Variants in OSBPL1A observed in about 807,000 individuals in gnomAD.
The protein encoded by OSBPL1A is oxysterol-binding protein-related protein 1.
Under a neutral mutation model 137.1 loss-of-function variants are expected in OSBPL1A, and 80 were observed. The ratio of observed to expected loss-of-function variants is 0.58; its 90% confidence interval spans 0.49 to 0.70. The LOEUF is 0.70. Ranked by LOEUF, OSBPL1A falls within the 30% of genes least tolerant of loss-of-function variation. The pLI is 0.00. For missense variants in OSBPL1A, 970 were observed against 1,129.4 expected (o/e 0.86, Z 2.02); for synonymous variants, 365 against 389.7 (o/e 0.94, Z 0.75).
At position 24,221,158 on chromosome 18, in the gene OSBPL1A, C is replaced by G. The variant is rs2087877126; in HGVS notation, c.1601+3884G>C. Among the ~76,000 whole-genome samples the G allele has an allele frequency of 3.9e-5, 6 of 152,062 alleles. No individual in the cohort carries two copies. In the South Asian group the frequency reaches 1.2e-3, roughly 32 times the overall value. On this transcript the variant is annotated intron_variant, in intron 17 of 27. Coordinates refer to ENST00000319481, the MANE Select transcript of OSBPL1A (RefSeq NM_080597.4). ...TTCATGTTAAATAATTTTTATTTACCACTAACAACATTTTCTCAATATAAT... is the reference window on the plus strand; with the variant it reads ...TTCATGTTAAATAATTTTTATTTACGACTAACAACATTTTCTCAATATAAT...
At chr18:24,330,967 G>C (rs1177166657) in intron 7 of OSBPL1A, among the ~76,000 whole-genome samples, 1 of 151,788 alleles carries the variant, frequency 6.6e-6, no homozygotes, top group Non-Finnish European at 1.5e-5. Flanking sequence ...GCTAATTTTT[G>C]TATTTTTAGT....
At position 24,188,224 on chromosome 18, in the gene OSBPL1A, T is replaced by C. The variant is rs181953603; in HGVS notation, c.1678-6945A>G. ...TTTCTCAGGAATACTGGCCTAGGGA[T>C]GCAATCTTGCAACTCTAAAGCAATG... is the stretch of plus-strand genomic sequence containing the variant. On this transcript the variant is annotated intron_variant, in intron 18 of 27. Coordinates refer to ENST00000319481, the MANE Select transcript of OSBPL1A (RefSeq NM_080597.4). Among the ~76,000 whole-genome samples the C allele has an allele frequency of 3.9e-5, 6 of 152,332 alleles. No homozygotes were observed. In the East Asian group the frequency reaches 1.2e-3, roughly 29 times the overall value.
intron 1 of OSBPL1A, among the ~76,000 whole-genome samples, chr18:24,377,792 A>G: frequency 6.6e-6 from 1 of 152,224 alleles, no homozygotes; most frequent in East Asian, 1.9e-4. Flanking sequence ...TCTGCAGAAT[A>G]CAACCAACCG....
chr18:24,344,151 T>C (rs2091310033), intron 4 of OSBPL1A, among the ~76,000 whole-genome samples: 1 of 152,146 alleles, frequency 6.6e-6, no homozygotes, highest in Non-Finnish European at 1.5e-5. Context: ...AATAGACATT[T>C]CTCCAAAGAA....
chr18:24,359,975 G>GT (rs1361292042), intron 4 of OSBPL1A, among the ~76,000 whole-genome samples: 1 of 152,114 alleles, frequency 6.6e-6, no homozygotes, highest in Non-Finnish European at 1.5e-5. Flanking sequence ...TGTTTGTTCT[G>GT]TTTTTGTTTG....
rs184821714 is a variant in OSBPL1A, at chr18:24,372,481, C to T, written c.122-4109G>A. Reference sequence around the variant, plus strand: ...ACCTGTCGTCCTCCGTACACACACTCGCAGGAACCACCAGGCCCCTCCCAC... The same window carrying T: ...ACCTGTCGTCCTCCGTACACACACTTGCAGGAACCACCAGGCCCCTCCCAC... On this transcript the variant is annotated intron_variant, in intron 2 of 27. Coordinates refer to ENST00000319481, the MANE Select transcript of OSBPL1A (RefSeq NM_080597.4). Among the ~76,000 whole-genome samples, 137 of 152,272 alleles carry T rather than the reference C, an allele frequency of 9.0e-4. 1 individual carries two copies. Among genetic ancestry groups the T allele is most frequent in the Non-Finnish European group, 1.6e-3 (106 of 68,016 alleles).
intron 4 of OSBPL1A, among the ~76,000 whole-genome samples, chr18:24,359,208 A>T (rs9956929): frequency 0.22 from 33,209 of 151,292 alleles, 4,260 homozygotes; most frequent in East Asian, 0.57. Context: ...ACAGAGCGAG[A>T]CCCTGTCTAT....
chr18:24,191,485 T>A (rs1210441733), intron 18 of OSBPL1A, among the ~76,000 whole-genome samples: 1 of 152,202 alleles, frequency 6.6e-6, no homozygotes, highest in Admixed American at 6.5e-5. Context: ...CAGCAAGTGA[T>A]ATTCATCTCA....
chr18:24,386,306 A>G (rs2144270292), intron 1 of OSBPL1A, among the ~76,000 whole-genome samples: 1 of 152,338 alleles, frequency 6.6e-6, no homozygotes, highest in Middle Eastern at 3.4e-3. Flanking sequence ...GCCCACAGAT[A>G]TCAGTTTTAA....
chr18:24,277,993 A>G (rs2089882390), intron 15 of OSBPL1A, among the ~76,000 whole-genome samples: 1 of 152,240 alleles, frequency 6.6e-6, no homozygotes, highest in South Asian at 2.1e-4. Context: ...TACTCTATAT[A>G]TGTAACATTC....
chr18:24,270,382 T>TC (rs1265532673), intron 15 of OSBPL1A, among the ~76,000 whole-genome samples: 6 of 152,240 alleles, frequency 3.9e-5, no homozygotes, highest in South Asian at 2.1e-4. Context: ...CTCTTTTACT[T>TC]CCCCCCCATT....
chr18:24,281,234 C>T (rs1232327949), intron 14 of OSBPL1A, among the ~76,000 whole-genome samples: 15 of 151,988 alleles, frequency 9.9e-5, no homozygotes, highest in African/African-American at 3.6e-4. Flanking sequence ...TACAGGCGCA[C>T]ACCACCACGC....
intron 15 of OSBPL1A, among the ~76,000 whole-genome samples, chr18:24,247,720 C>T (rs1482902324): frequency 1.3e-5 from 2 of 151,722 alleles, no homozygotes; most frequent in East Asian, 1.9e-4. Flanking sequence ...ATCCACCCAC[C>T]TTGGCCTCCC....
rs200454537 is a variant in OSBPL1A, at chr18:24,314,396, G to A, written c.871-49C>T. ...GACAACATTCATTCACATAAAAGAGGACCCTAAAATTATCTATACATAAAA... is the reference window on the plus strand; with the variant it reads ...GACAACATTCATTCACATAAAAGAGAACCCTAAAATTATCTATACATAAAA... On this transcript the variant is annotated intron_variant, in intron 11 of 27. Coordinates refer to ENST00000319481, the MANE Select transcript of OSBPL1A (RefSeq NM_080597.4). 24 of 1,292,112 alleles carry A rather than the reference G, an allele frequency of 1.9e-5. No homozygotes were observed. In the East Asian group the frequency reaches 5.1e-4, roughly 28 times the overall value. The allele number at this position is 1,292,112 out of a possible 1,614,324, so 80.0% of individuals were successfully genotyped here. A position where few individuals can be genotyped will look rare whatever the true frequency, so the allele number is the denominator to read the frequency against.
In OSBPL1A at chr18:24,257,982, G is replaced by A. The variant is rs536039542; in HGVS notation, c.1282-18600C>T. On this transcript the variant is annotated intron_variant, in intron 15 of 27. Transcript: ENST00000319481. ...CAAAAGACAGGCAGTAACAAATGCT[G>A]GCAAGGATGTGGAGAAAGGGGAACA... is the stretch of plus-strand genomic sequence containing the variant. Among the ~76,000 whole-genome samples the A allele has an allele frequency of 3.6e-4, 55 of 152,288 alleles. No homozygotes were observed. In the South Asian group the frequency reaches 6.0e-3, roughly 17 times the overall value.
At chr18:24,274,194 G>T (rs1357037297) in intron 15 of OSBPL1A, among the ~76,000 whole-genome samples, 2 of 143,958 alleles carry the variant, frequency 1.4e-5, no homozygotes, top group African/African-American at 5.3e-5. Context: ...AGACTGTGTC[G>T]CTGTACTCTA....
At chr18:24,363,447 C>CTTTTTTT (rs575394950) in intron 4 of OSBPL1A, among the ~76,000 whole-genome samples, 2 of 131,034 alleles carry the variant, frequency 1.5e-5, no homozygotes, top group Admixed American at 7.8e-5. Context: ...TCTTTTTTTC[C>CTTTTTTT]TTTTTTTTTT....
At chr18:24,380,286 T>C (rs1906487230) in intron 1 of OSBPL1A, among the ~76,000 whole-genome samples, 1 of 152,188 alleles carries the variant, frequency 6.6e-6, no homozygotes, top group Non-Finnish European at 1.5e-5. Context: ...AGGAAGACAT[T>C]AGCAAAGACA....
chr18:24,315,207 G>GAC (rs2090696440), intron 11 of OSBPL1A, among the ~76,000 whole-genome samples: 1 of 152,148 alleles, frequency 6.6e-6, no homozygotes, highest in Non-Finnish European at 1.5e-5. Flanking sequence ...TCCACATGGT[G>GAC]ACAGGACAGC....
Sources: gnomAD v4.1 joint callset for allele counts (sites outside exome capture counted in the v4.1 genomes callset) on GRCh38, gnomAD v4.1.1 for gene constraint, MANE v1.5 for transcripts, NCBI Gene and HGNC (gene_info 2026-07-23, HGNC 2026-07-21) for gene names.